Variants in CFAP299 observed in about 807,000 individuals in gnomAD.
CFAP299 encodes cilia- and flagella-associated protein 299.
A neutral mutation model predicts 27.0 loss-of-function variants in CFAP299; 21 were observed. That is an observed-to-expected ratio of 0.78 (90% confidence interval 0.55 to 1.12). The LOEUF (loss-of-function observed/expected upper bound fraction) is 1.12. CFAP299 is among the 50% of genes most tolerant of loss of function. The pLI, the probability that CFAP299 is intolerant of heterozygous loss-of-function variation, is 0.00. For synonymous variants in CFAP299, 104 were observed against 98.1 expected (o/e 1.06, Z -0.36); for missense variants, 310 against 276.6 (o/e 1.12, Z -0.86).
chr4:80,579,808 T>G (rs1736075608), intron 2 of CFAP299, among the ~76,000 whole-genome samples: 1 of 152,084 alleles, frequency 6.6e-6, no homozygotes, highest in South Asian at 2.1e-4. Flanking sequence ...ATAGATACAT[T>G]GTAGACATAT....
At chr4:80,900,047 T>C (rs776872527) in intron 4 of CFAP299, among the ~76,000 whole-genome samples, 1 of 151,196 alleles carries the variant, frequency 6.6e-6, no homozygotes, top group African/African-American at 2.4e-5. Context: ...AAAGGTGACT[T>C]GGAGGTGGAG....
chr4:80,890,914 T>A (rs1284675669), intron 4 of CFAP299, among the ~76,000 whole-genome samples: 120 of 147,922 alleles, frequency 8.1e-4, no homozygotes, highest in African/African-American at 2.8e-3. Context: ...GGTTGTTTGT[T>A]TTTTTCTTGT....
rs1364507833 is a variant in CFAP299 at position 80,826,743 on chromosome 4, A to G, written c.334-43250A>G. ...TGCAAGAACATTACAGCCACTACCAACATAATACACAATTTTCCTAAGTGC... is the reference window on the plus strand; with the variant it reads ...TGCAAGAACATTACAGCCACTACCAGCATAATACACAATTTTCCTAAGTGC... On this transcript the variant is annotated intron_variant, in intron 3 of 5. Coordinates refer to ENST00000358105, the MANE Select transcript of CFAP299 (RefSeq NM_152770.3). Among the ~76,000 whole-genome samples, 3 of 151,976 alleles carry G rather than the reference A, an allele frequency of 2.0e-5. No individual in the cohort carries two copies. In the East Asian group the frequency reaches 5.8e-4, roughly 29 times the overall value.
intron 2 of CFAP299, among the ~76,000 whole-genome samples, chr4:80,426,112 G>A (rs1727516668): frequency 6.6e-6 from 1 of 151,358 alleles, no homozygotes; most frequent in African/African-American, 2.4e-5. Flanking sequence ...AGTTACCAGA[G>A]CTTTTAGTTT....
intron 4 of CFAP299, among the ~76,000 whole-genome samples, chr4:80,901,695 A>C (rs1258056614): frequency 6.6e-6 from 1 of 152,050 alleles, no homozygotes; most frequent in Non-Finnish European, 1.5e-5. Context: ...ATCATTATTG[A>C]TGCTTTATCC....
chr4:80,596,138 A>T (rs1321833202), intron 3 of CFAP299, among the ~76,000 whole-genome samples: 1 of 152,202 alleles, frequency 6.6e-6, no homozygotes, highest in East Asian at 1.9e-4. Flanking sequence ...AGAGGGACAG[A>T]TACATGTTTG....
At chr4:80,789,307 G>A (rs1348774532) in intron 3 of CFAP299, among the ~76,000 whole-genome samples, 2 of 151,934 alleles carry the variant, frequency 1.3e-5, no homozygotes, top group African/African-American at 4.8e-5. Flanking sequence ...TTAATCTTAT[G>A]TTGTAGTGAC....
rs571896316 is a variant in CFAP299, at chr4:80,460,593, C to T, written c.242+97709C>T. 9.9e-5 allele frequency among the ~76,000 whole-genome samples: 15 copies of T among 152,122 alleles called. No homozygotes were observed. The South Asian group carries it at 1.0e-3, about 11-fold the overall frequency. On this transcript the variant is annotated intron_variant, in intron 2 of 5. Coordinates refer to ENST00000358105, the MANE Select transcript of CFAP299 (RefSeq NM_152770.3). ...CCTAACTGCCTTCATGGAATCAATC[C>T]GATTACTAGTTGATGATTTTTTTAT... is the stretch of plus-strand genomic sequence containing the variant.
At chr4:80,733,475 C>A (rs879579198) in intron 3 of CFAP299, among the ~76,000 whole-genome samples, 8 of 152,084 alleles carry the variant, frequency 5.3e-5, no homozygotes, top group Non-Finnish European at 1.0e-4. Context: ...TCCAATTCTA[C>A]TCTTTTAGTT....
intron 3 of CFAP299, among the ~76,000 whole-genome samples, chr4:80,782,341 T>A (rs1726927924): frequency 1.3e-5 from 2 of 151,884 alleles, no homozygotes; most frequent in African/African-American, 4.8e-5. Context: ...CTCCTGAATT[T>A]AGCAGTTTGT....
chr4:80,546,165 CATT>C (rs1162772037), intron 2 of CFAP299, among the ~76,000 whole-genome samples: 2 of 152,142 alleles, frequency 1.3e-5, no homozygotes, highest in Non-Finnish European at 2.9e-5. Flanking sequence ...AAGCTGGAAA[CATT>C]AACCTTGAGA....
At chr4:80,664,321 C>G (rs1407865703) in intron 3 of CFAP299, among the ~76,000 whole-genome samples, 2 of 152,164 alleles carry the variant, frequency 1.3e-5, no homozygotes, top group African/African-American at 4.8e-5. Flanking sequence ...ACGTTTGAGT[C>G]TGCTGAAGCT....
intron 3 of CFAP299, among the ~76,000 whole-genome samples, chr4:80,820,917 T>C (rs370096591): frequency 2.6e-5 from 4 of 152,304 alleles, no homozygotes; most frequent in African/African-American, 9.6e-5. Flanking sequence ...AGATCATTAC[T>C]GAGAAATTGT....
intron 3 of CFAP299, among the ~76,000 whole-genome samples, chr4:80,622,893 A>G (rs1201452389): frequency 6.6e-6 from 1 of 152,182 alleles, no homozygotes; most frequent in Non-Finnish European, 1.5e-5. Context: ...CTCTCGCTCA[A>G]TCAATTTTCT....
intron 2 of CFAP299, among the ~76,000 whole-genome samples, chr4:80,508,042 T>C (rs1732118868): frequency 6.6e-6 from 1 of 152,172 alleles, no homozygotes; most frequent in South Asian, 2.1e-4. Flanking sequence ...AGGTATGTCA[T>C]GTCTACTGTA....
At chr4:80,917,461 A>G (rs1239837801) in intron 4 of CFAP299, among the ~76,000 whole-genome samples, 1 of 152,184 alleles carries the variant, frequency 6.6e-6, no homozygotes, top group Non-Finnish European at 1.5e-5. Context: ...AAAAGGAATT[A>G]CTAATATTGT....
chr4:80,437,322 A>G (rs1578441638), intron 2 of CFAP299, among the ~76,000 whole-genome samples: 1 of 152,184 alleles, frequency 6.6e-6, no homozygotes, highest in Non-Finnish European at 1.5e-5. Context: ...GATTTTACCT[A>G]CTTGCCCACT....
rs151057677 is a variant in CFAP299 at position 80,674,963 on chromosome 4, T to C, written c.333+91780T>C. Among the ~76,000 whole-genome samples the C allele has an allele frequency of 9.6e-3, 1,456 of 152,290 alleles. 18 individuals carry two copies. The highest frequency in any genetic ancestry group is 0.033 in the African/African-American group (1,356 of 41,572). On this transcript the variant is annotated intron_variant, in intron 3 of 5. Coordinates refer to ENST00000358105, the MANE Select transcript of CFAP299 (RefSeq NM_152770.3). ...GTTTTTAGCTTCCTTGCAATGTGTTTGAACATCCTCCTTTAGCTTGGAGAA... is the reference window on the plus strand; with the variant it reads ...GTTTTTAGCTTCCTTGCAATGTGTTCGAACATCCTCCTTTAGCTTGGAGAA...
chr4:80,696,172 G>A (rs1294778856), intron 3 of CFAP299, among the ~76,000 whole-genome samples: 4 of 151,750 alleles, frequency 2.6e-5, no homozygotes, highest in East Asian at 1.9e-4. Flanking sequence ...ATGGTGGCAC[G>A]CACGTGTAAT....
Sources: allele counts gnomAD v4.1 joint callset (sites outside exome capture counted in the v4.1 genomes callset), GRCh38; gene constraint gnomAD v4.1.1; transcripts MANE v1.5; gene names NCBI Gene and HGNC (gene_info 2026-07-23, HGNC 2026-07-21).